The following SYNDIG1 variants were observed in gnomAD, a reference collection of about 807,000 sequenced individuals.
SYNDIG1 encodes synapse differentiation-inducing gene protein 1.
SYNDIG1 carries 9 observed loss-of-function variants against 19.4 expected under a neutral mutation model. That is an observed-to-expected ratio of 0.46 (90% CI 0.28 to 0.81). The LOEUF (loss-of-function observed/expected upper bound fraction) is 0.81. SYNDIG1 is among the 30% of genes least tolerant of loss of function. The pLI is 0.12. For missense variants in SYNDIG1, 311 were observed against 343.3 expected, an observed-to-expected ratio of 0.91 and a Z score of 0.74; for synonymous variants, 141 against 145.9, an observed-to-expected ratio of 0.97 and a Z score of 0.24.
chr20:24,573,268 C>T (rs758076246), intron 2 of SYNDIG1, among the ~76,000 whole-genome samples: 1 of 152,208 alleles, frequency 6.6e-6, no homozygotes, highest in Non-Finnish European at 1.5e-5. Flanking sequence ...TCATAGAAGG[C>T]TGCATCCCTA....
intron 2 of SYNDIG1, among the ~76,000 whole-genome samples, chr20:24,581,953 G>T (rs2058331070): frequency 1.3e-5 from 2 of 150,392 alleles, no homozygotes; most frequent in Non-Finnish European, 3.0e-5. Flanking sequence ...CCTCCCTGCT[G>T]CACGTCCTCC....
chr20:24,558,951 G>A (rs1158299907), intron 2 of SYNDIG1, among the ~76,000 whole-genome samples: 3 of 152,100 alleles, frequency 2.0e-5, no homozygotes, highest in Non-Finnish European at 2.9e-5. Context: ...ACAGTTTGGA[G>A]GTTTCTCAAA....
chr20:24,538,594 T>C (rs1005349089), intron 1 of SYNDIG1, among the ~76,000 whole-genome samples: 8 of 152,344 alleles, frequency 5.3e-5, no homozygotes, highest in African/African-American at 1.9e-4. Context: ...GACCCTGTTT[T>C]CAACTCCTTT....
intron 3 of SYNDIG1, among the ~76,000 whole-genome samples, chr20:24,596,444 T>G (rs1202955991): frequency 6.6e-6 from 1 of 152,134 alleles, no homozygotes. Context: ...AGTGGCATGG[T>G]CTCAGCTCAC....
At position 24,658,461 on chromosome 20, in the gene SYNDIG1, G is replaced by A. The variant is rs112187052; in HGVS notation, c.619-6885G>A. Among the ~76,000 whole-genome samples, 45 of 152,216 alleles carry A rather than the reference G, an allele frequency of 3.0e-4. No homozygotes were observed. Among genetic ancestry groups the A allele is most frequent in the African/African-American group, 9.4e-4 (39 of 41,534 alleles). On this transcript the variant is annotated intron_variant, in intron 3 of 3. Coordinates refer to ENST00000376862, the MANE Select transcript of SYNDIG1 (RefSeq NM_024893.3). This position sits in a 1 kb window ranked among gnomAD's most constrained non-coding sequence, Gnocchi z 4.4. The stretch of plus-strand genomic sequence containing the variant: ...CCGTGGACCCCTGAAGTGGACAGGC[G>A]CTCTGGCCGTACCCTGGGGGGTGAA...
chr20:24,528,478 T>C (rs941534276), intron 1 of SYNDIG1, among the ~76,000 whole-genome samples: 4 of 152,192 alleles, frequency 2.6e-5, no homozygotes, highest in East Asian at 1.9e-4. Context: ...AAGTCCAACA[T>C]TGAAGTGCTG....
intron 2 of SYNDIG1, among the ~76,000 whole-genome samples, chr20:24,579,622 T>C (rs2058289788): frequency 6.6e-6 from 1 of 152,196 alleles, no homozygotes; most frequent in African/African-American, 2.4e-5. Flanking sequence ...CTCCTGAGCA[T>C]GTGGTGTCAC....
chr20:24,629,820 C>T (rs1187144011), intron 3 of SYNDIG1, among the ~76,000 whole-genome samples: 2 of 152,206 alleles, frequency 1.3e-5, no homozygotes, highest in African/African-American at 4.8e-5. Context: ...GGAGGGTAGA[C>T]CAGAGTGAGG....
intron 1 of SYNDIG1, among the ~76,000 whole-genome samples, chr20:24,500,283 A>G (rs748171460): frequency 7.2e-5 from 11 of 152,318 alleles, no homozygotes; most frequent in Admixed American, 2.0e-4. Context: ...AATTCACAGA[A>G]ATCGTTGATA....
intron 2 of SYNDIG1, among the ~76,000 whole-genome samples, 195 bp downstream of exon 2, chr20:24,543,772 C>G (rs2057517507): frequency 1.3e-5 from 2 of 152,210 alleles, no homozygotes; most frequent in African/African-American, 4.8e-5. Context: ...CTTAGATTAA[C>G]AGAAACCCAG....
chr20:24,558,876 C>A (rs1365587480), intron 2 of SYNDIG1, among the ~76,000 whole-genome samples: 1 of 152,056 alleles, frequency 6.6e-6, no homozygotes, highest in African/African-American at 2.4e-5. Flanking sequence ...TGTTATAAAT[C>A]CAACAGTAGT....
intron 3 of SYNDIG1, among the ~76,000 whole-genome samples, chr20:24,620,047 ATTC>A: frequency 6.6e-6 from 1 of 152,162 alleles, no homozygotes; most frequent in East Asian, 1.9e-4. Context: ...GAGAAGGTAA[ATTC>A]TTCTTCAGGA....
At chr20:24,627,789 T>C (rs976270394) in intron 3 of SYNDIG1, among the ~76,000 whole-genome samples, 10 of 152,248 alleles carry the variant, frequency 6.6e-5, no homozygotes, top group African/African-American at 2.4e-4. Flanking sequence ...GAGAACAAGG[T>C]TGGGGGAACC....
chr20:24,627,893 G>C (rs1460328611), intron 3 of SYNDIG1, among the ~76,000 whole-genome samples: 1 of 152,256 alleles, frequency 6.6e-6, no homozygotes, highest in African/African-American at 2.4e-5. Flanking sequence ...GTCACTTGGC[G>C]GAGATCCTCG....
At chr20:24,504,125 A>AT (rs2056527385) in intron 1 of SYNDIG1, among the ~76,000 whole-genome samples, 2 of 152,002 alleles carry the variant, frequency 1.3e-5, no homozygotes, top group Admixed American at 6.6e-5. Flanking sequence ...ACGCCGACTA[A>AT]TTTTTTGTAT....
At chr20:24,553,281 GT>G (rs1167386825) in intron 2 of SYNDIG1, among the ~76,000 whole-genome samples, 1 of 152,088 alleles carries the variant, frequency 6.6e-6, no homozygotes, top group Non-Finnish European at 1.5e-5. Context: ...TCTGATGGTA[GT>G]TTCTTTTGCT....
intron 2 of SYNDIG1, among the ~76,000 whole-genome samples, chr20:24,564,799 G>A (rs566007494): frequency 6.6e-6 from 1 of 152,268 alleles, no homozygotes; most frequent in African/African-American, 2.4e-5. Flanking sequence ...CATCTGTATT[G>A]AAGAATGTGT....
rs58345613 is a variant in SYNDIG1 at position 24,489,989 on chromosome 20, C to T, written c.-79+20236C>T. Reference sequence around the variant, plus strand: ...GAGGGTGCCATCTGTGTGTGGCCCCCGAGCTGAATCCACCACATCTGCTCC... The same window carrying T: ...GAGGGTGCCATCTGTGTGTGGCCCCTGAGCTGAATCCACCACATCTGCTCC... On this transcript the variant is annotated intron_variant, in intron 1 of 3. Coordinates refer to ENST00000376862, the MANE Select transcript of SYNDIG1 (RefSeq NM_024893.3). Among the ~76,000 whole-genome samples, 716 of 152,308 alleles carry T rather than the reference C, an allele frequency of 4.7e-3. 4 individuals carry two copies. The highest frequency in any genetic ancestry group is 0.016 in the African/African-American group (660 of 41,564).
At chr20:24,605,291 A>T (rs1262592915) in intron 3 of SYNDIG1, among the ~76,000 whole-genome samples, 1 of 152,202 alleles carries the variant, frequency 6.6e-6, no homozygotes, top group Non-Finnish European at 1.5e-5. Flanking sequence ...CAAGCATAAC[A>T]TTGACTTTGC....
Sources: gnomAD v4.1 joint callset for allele counts (sites outside exome capture counted in the v4.1 genomes callset) on GRCh38, gnomAD v4.1.1 for gene constraint, Gnocchi (gnomAD v3.1) non-coding constraint, MANE v1.5 for transcripts, NCBI Gene and HGNC (gene_info 2026-07-23, HGNC 2026-07-21) for gene names.